The following DNAH14 variants were observed in gnomAD, a reference collection of about 807,000 sequenced individuals.
DNAH14 encodes dynein axonemal heavy chain 14.
In DNAH14, 478 loss-of-function variants were observed where a neutral mutation model predicts 520.9. The ratio of observed to expected loss-of-function variants is 0.92; its 90% confidence interval spans 0.85 to 0.99. The LOEUF (loss-of-function observed/expected upper bound fraction) is 0.99. Among genes scored for constraint, DNAH14 ranks in the 50% least tolerant of loss-of-function variants. DNAH14 has a pLI of 0.00. For missense variants in DNAH14, 4,831 were observed against 5,234.5 expected, an observed-to-expected ratio of 0.92 and a Z score of 2.38; for synonymous variants, 1,581 against 1,757.2, an observed-to-expected ratio of 0.90 and a Z score of 2.51.
At chr1:225,110,031 T>TC (rs2076367638) in intron 23 of DNAH14, among the ~76,000 whole-genome samples, 1 of 152,186 alleles carries the variant, frequency 6.6e-6, no homozygotes, top group Non-Finnish European at 1.5e-5. Context: ...CTGGGATGAA[T>TC]CCCACTTGGT....
At chr1:225,200,836 G>A (rs374191966) in intron 38 of DNAH14, among the ~76,000 whole-genome samples, 45 of 152,120 alleles carry the variant, frequency 3.0e-4, no homozygotes, top group Admixed American at 1.8e-3. Context: ...GTGTGCCTAC[G>A]CGATGATCTT....
chr1:225,221,113 T>C (rs368475174), intron 41 of DNAH14, among the ~76,000 whole-genome samples: 1 of 152,164 alleles, frequency 6.6e-6, no homozygotes, highest in Admixed American at 6.5e-5. Context: ...TGCAGAAAAC[T>C]GAAACTGGAC....
intron 69 of DNAH14, among the ~76,000 whole-genome samples, chr1:225,342,683 AACACACACACAC>A (rs10572962): frequency 0.18 from 26,607 of 147,946 alleles, 4,423 homozygotes; most frequent in African/African-American, 0.45. Flanking sequence ...ATTTCTCATA[AACACACACACAC>A]ACACACACAC....
intron 31 of DNAH14, among the ~76,000 whole-genome samples, chr1:225,149,532 A>G (rs1457035989): frequency 6.6e-6 from 1 of 152,202 alleles, no homozygotes; most frequent in Non-Finnish European, 1.5e-5. Context: ...CAGTATGGTC[A>G]TTTTAGCAAT....
At chr1:225,374,246 GTCTATA>G (rs1558561237) in intron 77 of DNAH14, among the ~76,000 whole-genome samples, 1 of 4,866 alleles carries the variant, frequency 2.1e-4, no homozygotes, top group Non-Finnish European at 3.6e-4. Context: ...ATATATATTT[GTCTATA>G]TATATATATA....
At chr1:225,038,926 C>A in intron 12 of DNAH14, 103 bp downstream of exon 12, 1 of 1,009,666 alleles carries the variant, frequency 9.9e-7, no homozygotes, top group Non-Finnish European at 1.4e-6. Flanking sequence ...CAAGCCCTTA[C>A]CCAACATACC....
chr1:225,046,106 A>AATATGTAT (rs1367209620), intron 15 of DNAH14, among the ~76,000 whole-genome samples: 1 of 151,408 alleles, frequency 6.6e-6, no homozygotes, highest in African/African-American at 2.4e-5. Flanking sequence ...TATATATGAT[A>AATATGTAT]ATATGTATAT....
intron 73 of DNAH14, among the ~76,000 whole-genome samples, chr1:225,354,701 T>C (rs1240705166): frequency 1.3e-5 from 2 of 152,154 alleles, no homozygotes; most frequent in Admixed American, 6.6e-5. Flanking sequence ...GGCTAGATCA[T>C]CCTAAATTCA....
chr1:225,173,324 C>T (rs2082921692), intron 36 of DNAH14, among the ~76,000 whole-genome samples: 1 of 152,148 alleles, frequency 6.6e-6, no homozygotes, highest in Admixed American at 6.5e-5. Flanking sequence ...CAACAGGCAA[C>T]CTACAGAATG....
chr1:225,161,066 T>A (rs983404871), intron 35 of DNAH14, among the ~76,000 whole-genome samples: 1 of 151,976 alleles, frequency 6.6e-6, no homozygotes, highest in African/African-American at 2.4e-5. Flanking sequence ...AATTTCATAG[T>A]CATTTTCATA....
Position 225,265,470 on chromosome 1 carries a change from A to T in DNAH14, c.7410+101A>T, listed in dbSNP as rs116041932. 1.1e-3 allele frequency: 1,064 copies of T among 976,414 alleles called. 8 individuals carry two copies. In the African/African-American group the frequency reaches 0.017, roughly 15 times the overall value. The allele number at this position is 976,414 out of a possible 1,614,324, so 60.5% of individuals were successfully genotyped here. A position where few individuals can be genotyped will look rare whatever the true frequency, so the allele number is the denominator to read the frequency against. On this transcript the variant is annotated intron_variant, in intron 48 of 85. Coordinates refer to ENST00000682510, the MANE Select transcript of DNAH14 (RefSeq NM_001367479.1). ...CAGAAGAAAAATATTTGTGTAACAC[A>T]CATTTTTGAACATCATAGAAGATGC...
chr1:225,242,663 G>C (rs1411778597), intron 43 of DNAH14, among the ~76,000 whole-genome samples: 2 of 152,240 alleles, frequency 1.3e-5, no homozygotes, highest in East Asian at 3.9e-4. Context: ...AATAGAAGGA[G>C]TGCACTCTAA....
chr1:225,106,513 T>C (rs2076061581), intron 23 of DNAH14, among the ~76,000 whole-genome samples: 1 of 152,228 alleles, frequency 6.6e-6, no homozygotes, highest in African/African-American at 2.4e-5. Context: ...TACTTTCAGG[T>C]ACACCAATCA....
chr1:225,155,445 T>G (rs1434595568), intron 34 of DNAH14, among the ~76,000 whole-genome samples: 2 of 152,018 alleles, frequency 1.3e-5, no homozygotes, highest in African/African-American at 2.4e-5. Context: ...CAAAATGGCC[T>G]GTATAATATT....
intron 76 of DNAH14, among the ~76,000 whole-genome samples, chr1:225,366,591 G>T (rs965815509): frequency 6.6e-6 from 1 of 152,148 alleles, no homozygotes; most frequent in Non-Finnish European, 1.5e-5. Context: ...ACAATTGCTG[G>T]CAACCTGAAT....
intron 19 of DNAH14, 75 bp downstream of exon 19, chr1:225,080,823 C>T (rs892986338): frequency 2.9e-5 from 41 of 1,412,876 alleles, no homozygotes; most frequent in Non-Finnish European, 3.8e-5. Context: ...GAGCATTGTC[C>T]TTGGCTTGTT....
At chr1:225,287,184 A>T (rs887933227) in intron 54 of DNAH14, among the ~76,000 whole-genome samples, 3 of 152,220 alleles carry the variant, frequency 2.0e-5, no homozygotes, top group African/African-American at 7.2e-5. Context: ...TTGATGACAC[A>T]AAGAATGAGC....
intron 69 of DNAH14, among the ~76,000 whole-genome samples, chr1:225,343,782 G>C (rs967998218): frequency 8.6e-6 from 1 of 116,236 alleles, no homozygotes; most frequent in South Asian, 3.0e-4. Context: ...CAAGGCTTCT[G>C]TATCTGTTTT....
intron 54 of DNAH14, among the ~76,000 whole-genome samples, chr1:225,286,078 CAT>C (rs942310744): frequency 2.0e-5 from 3 of 152,186 alleles, no homozygotes; most frequent in African/African-American, 7.2e-5. Context: ...TGTTCTCACT[CAT>C]GTGAAAACTG....
Sources: gnomAD v4.1 joint callset for allele counts (sites outside exome capture counted in the v4.1 genomes callset) on GRCh38, gnomAD v4.1.1 for gene constraint, MANE v1.5 for transcripts, NCBI Gene and HGNC (gene_info 2026-07-23, HGNC 2026-07-21) for gene names.